The following C3orf20 variants were observed in gnomAD, a reference collection of about 807,000 sequenced individuals.
The protein encoded by C3orf20 is uncharacterized protein C3orf20.
Under a neutral mutation model 88.3 loss-of-function variants are expected in C3orf20, and 76 were observed. The observed-to-expected ratio is 0.86, with a 90% CI of 0.72 to 1.04. The LOEUF (loss-of-function observed/expected upper bound fraction) is 1.04, where lower values mean the gene tolerates loss of function less well. Among genes scored for constraint, C3orf20 ranks in the 50% least tolerant of loss-of-function variants. The probability of loss-of-function intolerance (pLI) is 0.00; values close to 1 mark genes in which losing one functional copy is unlikely to be tolerated. For missense variants in C3orf20, 1,056 were observed against 1,123.3 expected (o/e 0.94, Z 0.86); for synonymous variants, 436 against 437.4 (o/e 1.00, Z 0.04).
At chr3:14,767,612 C>G (rs2035751003) in intron 15 of C3orf20, among the ~76,000 whole-genome samples, 1 of 152,210 alleles carries the variant, frequency 6.6e-6, no homozygotes, top group Non-Finnish European at 1.5e-5. Flanking sequence ...CTGTGAACTG[C>G]AAAGCCCTGT....
Position 14,704,396 on chromosome 3 carries a change from A to C in C3orf20, c.938A>C (p.Asn313Thr). 1 of 1,614,078 alleles carries C rather than the reference A, an allele frequency of 6.2e-7. No individual in the cohort carries two copies. The highest frequency in any genetic ancestry group is 8.5e-7 in the Non-Finnish European group (1 of 1,180,002). The change falls in exon 7 of 17, where the codon AAC becomes ACC. Residue 313 changes from asparagine (N) to threonine (T), a missense_variant. Asn to Thr is a moderately conservative substitution (Grantham distance 65). Transcript: ENST00000253697. ...RNISYPMILR[N>T]YKAKMPSHLM... Reference sequence around the variant, plus strand: ...ATCTCCTACCCCATGATCTTACGAAACTACAAGGCAAAGATGCCCTCTCAT... The same window carrying C: ...ATCTCCTACCCCATGATCTTACGAACCTACAAGGCAAAGATGCCCTCTCAT...
intron 5 of C3orf20, among the ~76,000 whole-genome samples, chr3:14,700,248 G>C (rs191565335): frequency 1.2e-4 from 15 of 121,992 alleles, no homozygotes; most frequent in African/African-American, 4.3e-4. Context: ...TTTTGAAGAC[G>C]CTTTTTTTGT....
At chr3:14,698,133 C>T (rs2033090753) in intron 5 of C3orf20, among the ~76,000 whole-genome samples, 1 of 152,150 alleles carries the variant, frequency 6.6e-6, no homozygotes. Flanking sequence ...GGAATCTCCA[C>T]ACTGTCTTCA....
At chr3:14,752,778 CGATAATGA>C (rs2125024489) in intron 12 of C3orf20, among the ~76,000 whole-genome samples, 1 of 152,214 alleles carries the variant, frequency 6.6e-6, no homozygotes, top group South Asian at 2.1e-4. Flanking sequence ...CAAATCAAAA[CGATAATGA>C]GATATCATCT....
chr3:14,755,194 G>A (rs1178870022), intron 12 of C3orf20, among the ~76,000 whole-genome samples: 2 of 151,624 alleles, frequency 1.3e-5, no homozygotes, highest in East Asian at 1.9e-4. Context: ...TATGTTTCTC[G>A]GTTTGTCATT....
intron 7 of C3orf20, among the ~76,000 whole-genome samples, chr3:14,707,471 G>A (rs1267335168): frequency 2.0e-5 from 3 of 151,274 alleles, no homozygotes; most frequent in South Asian, 2.1e-4. Context: ...GTGTGTGTGT[G>A]TGTGTGTGTG....
At chr3:14,753,701 T>C (rs2035282278) in intron 12 of C3orf20, among the ~76,000 whole-genome samples, 1 of 152,172 alleles carries the variant, frequency 6.6e-6, no homozygotes, top group Non-Finnish European at 1.5e-5. Context: ...AAATTTCACC[T>C]TTTCCTTAAG....
Position 14,772,112 on chromosome 3 carries a change from G to A in C3orf20, c.2541G>A (p.Lys847=). 1 of 1,614,228 alleles carries A rather than the reference G, an allele frequency of 6.2e-7. No individual in the cohort carries two copies. Among genetic ancestry groups the A allele is most frequent in the Non-Finnish European group, 8.5e-7 (1 of 1,180,036 alleles). Residue 847 remains lysine (K), a synonymous_variant, in exon 16 of 17, where the codon AAG becomes AAA. Coordinates refer to ENST00000253697, the MANE Select transcript of C3orf20 (RefSeq NM_032137.5). This position sits in a 1 kb window ranked among gnomAD's most constrained non-coding sequence, Gnocchi z 4.2. ...VLSLEDSESV[K]KAESEDIQGS... ...GCCTGGAGGATTCTGAATCAGTCAA[G>A]AAAGCCGAGTCAGAAGATATCCAAG...
In C3orf20 at chr3:14,772,347, A is replaced by C; in HGVS notation, c.2630+146A>C. On this transcript the variant is annotated intron_variant, in intron 16 of 16. Coordinates refer to ENST00000253697, the MANE Select transcript of C3orf20 (RefSeq NM_032137.5). The surrounding 1 kb of genome is among the most constrained non-coding windows in gnomAD (Gnocchi z 4.2). ...ACATCTAGCCCATGTAATCAACACA[A>C]TATTGGGCGGGCATGCAGGCTGCCC... The C allele has an allele frequency of 6.8e-6, 7 of 1,024,164 alleles. No individual in the cohort carries two copies. The highest frequency in any genetic ancestry group is 1.0e-5 in the Non-Finnish European group (7 of 700,306). 63.4% of individuals were successfully genotyped at this position (1,024,164 alleles called of 1,614,324 possible). A position where few individuals can be genotyped will look rare whatever the true frequency, so the allele number is the denominator to read the frequency against.
intron 5 of C3orf20, among the ~76,000 whole-genome samples, chr3:14,694,470 G>T (rs1261665254): frequency 6.6e-6 from 1 of 152,004 alleles, no homozygotes; most frequent in Non-Finnish European, 1.5e-5. Flanking sequence ...CCAATTTATT[G>T]ACATATAGTT....
At chr3:14,758,638 G>C (rs2125033309) in intron 13 of C3orf20, among the ~76,000 whole-genome samples, 1 of 152,296 alleles carries the variant, frequency 6.6e-6, no homozygotes, top group South Asian at 2.1e-4. Context: ...TTTCCCAATT[G>C]CTGCTGCAGA....
At chr3:14,703,377 C>T in intron 6 of C3orf20, 115 bp downstream of exon 6, 8 of 1,516,642 alleles carry the variant, frequency 5.3e-6, no homozygotes, top group Non-Finnish European at 7.1e-6. Flanking sequence ...GTGAGACATG[C>T]CACCTGGGAG....
At chr3:14,712,182 GCACACACACACA>G (rs1198777411) in intron 7 of C3orf20, among the ~76,000 whole-genome samples, 3 of 22,470 alleles carry the variant, frequency 1.3e-4, no homozygotes, top group African/African-American at 1.8e-4. Context: ...ACGCGCGCGC[GCACACACACACA>G]CACACACACA....
chr3:14,719,510 T>C (rs574548529), intron 9 of C3orf20, among the ~76,000 whole-genome samples: 1 of 152,296 alleles, frequency 6.6e-6, no homozygotes, highest in African/African-American at 2.4e-5. Flanking sequence ...AGAGGATCAG[T>C]GACCAAAATG....
intron 12 of C3orf20, among the ~76,000 whole-genome samples, chr3:14,730,513 C>A (rs2034507173): frequency 1.3e-5 from 2 of 152,078 alleles, no homozygotes; most frequent in Admixed American, 1.3e-4. Flanking sequence ...TGCCACTGCA[C>A]TCCAGCCTGG....
intron 4 of C3orf20, among the ~76,000 whole-genome samples, chr3:14,686,151 C>G (rs940896138): frequency 6.6e-6 from 1 of 151,472 alleles, no homozygotes; most frequent in Non-Finnish European, 1.5e-5. Flanking sequence ...TGAGCCACCA[C>G]GCCCAGCCCA....
chr3:14,769,737 C>T (rs781026519), intron 15 of C3orf20, among the ~76,000 whole-genome samples: 15 of 152,118 alleles, frequency 9.9e-5, no homozygotes, highest in Non-Finnish European at 1.5e-5. Context: ...AGGACCAGCC[C>T]TCTGGTGGGG....
At chr3:14,700,248 G>A (rs191565335) in intron 5 of C3orf20, among the ~76,000 whole-genome samples, 9 of 121,902 alleles carry the variant, frequency 7.4e-5, no homozygotes, top group African/African-American at 1.5e-4. Flanking sequence ...TTTTGAAGAC[G>A]CTTTTTTTGT....
At chr3:14,738,735 G>A (rs2034805548) in intron 12 of C3orf20, among the ~76,000 whole-genome samples, 1 of 112,532 alleles carries the variant, frequency 8.9e-6, no homozygotes, top group African/African-American at 3.2e-5. Context: ...CCGGCTCCTG[G>A]GTTCAAGCGA....
Sources: allele counts gnomAD v4.1 joint callset (sites outside exome capture counted in the v4.1 genomes callset), GRCh38; gene constraint gnomAD v4.1.1; non-coding constraint Gnocchi (gnomAD v3.1); transcripts MANE v1.5; gene names NCBI Gene and HGNC (gene_info 2026-07-23, HGNC 2026-07-21).